Variants in DLGAP2 observed in about 807,000 individuals in gnomAD.
DLGAP2 encodes the protein disks large-associated protein 2.
Under a neutral mutation model 100.3 loss-of-function variants are expected in DLGAP2, and 26 were observed. That is an observed-to-expected ratio of 0.26 (90% CI 0.19 to 0.36). The LOEUF is 0.36. Ranked by LOEUF, DLGAP2 falls within the 10% of genes least tolerant of loss-of-function variation. DLGAP2 has a pLI of 1.00. For synonymous variants in DLGAP2, 886 were observed against 630.1 expected, an observed-to-expected ratio of 1.41 and a Z score of -6.08; for missense variants, 1,858 against 1,453.2, an observed-to-expected ratio of 1.28 and a Z score of -4.53.
chr8:1,584,690 C>G (rs896946501), intron 6 of DLGAP2, among the ~76,000 whole-genome samples: 8 of 152,182 alleles, frequency 5.3e-5, no homozygotes, highest in Middle Eastern at 3.4e-3. Context: ...CCTGGGGATT[C>G]GAATGGCACT....
chr8:926,347 C>T (rs1798815455), intron 2 of DLGAP2, among the ~76,000 whole-genome samples: 1 of 152,170 alleles, frequency 6.6e-6, no homozygotes, highest in Non-Finnish European at 1.5e-5. Context: ...CCGTGTTGGC[C>T]ACCCCCCTCA....
intron 3 of DLGAP2, among the ~76,000 whole-genome samples, chr8:1,383,204 T>G (rs767794776): frequency 6.6e-6 from 1 of 152,146 alleles, no homozygotes; most frequent in African/African-American, 2.4e-5. Context: ...ACGAGAAAAA[T>G]AAGGGATTTT....
chr8:1,558,067 T>C (rs942449845), intron 5 of DLGAP2, among the ~76,000 whole-genome samples: 2 of 152,156 alleles, frequency 1.3e-5, no homozygotes, highest in African/African-American at 4.8e-5. Flanking sequence ...TCCTGGCAGG[T>C]TGGAGCAGGC....
At chr8:853,646 T>A (rs752973823) in intron 1 of DLGAP2, among the ~76,000 whole-genome samples, 4 of 152,164 alleles carry the variant, frequency 2.6e-5, no homozygotes. Context: ...CAAGCAGCCG[T>A]TCTAGGGAGC....
chr8:1,385,036 A>G (rs368452261), intron 3 of DLGAP2, among the ~76,000 whole-genome samples: 11 of 64,766 alleles, frequency 1.7e-4, no homozygotes, highest in East Asian at 1.1e-3. Context: ...CTTGGTGCAC[A>G]GTTACCCCGG....
chr8:1,630,594 C>T (rs1000037002), intron 7 of DLGAP2, among the ~76,000 whole-genome samples: 3 of 151,486 alleles, frequency 2.0e-5, no homozygotes, highest in Non-Finnish European at 2.9e-5. Context: ...CCCAGCTACT[C>T]GGGAGGCCGA....
chr8:748,055 TGGGCGGGTCTGCGGTGG>T lies in DLGAP2; in HGVS notation c.18+10232_18+10248del. ...TGGGATGGGCGGGTCTGCGGTGGGA[TGGGCGGGTCTGCGGTGG>T]GATGGGGGGCTCTGCGGTGGGATGG... On this transcript the variant is annotated intron_variant, in intron 1 of 14. Coordinates refer to ENST00000637795, the MANE Select transcript of DLGAP2 (RefSeq NM_001346810.2). 1.2e-3 allele frequency among the ~76,000 whole-genome samples: 19 copies of T among 15,628 alleles called. 1 individual carries two copies. Among genetic ancestry groups the T allele is most frequent in the Non-Finnish European group, 2.0e-3 (17 of 8,618 alleles). 10.3% of individuals were successfully genotyped at this position (15,628 alleles called of 152,430 possible).
intron 3 of DLGAP2, among the ~76,000 whole-genome samples, chr8:1,339,842 A>G (rs1333753625): frequency 6.6e-6 from 1 of 152,240 alleles, no homozygotes. Context: ...AGAAGCTCTG[A>G]TAATAGATAA....
At chr8:757,313 C>A (rs1476170988) in intron 1 of DLGAP2, among the ~76,000 whole-genome samples, 1 of 152,202 alleles carries the variant, frequency 6.6e-6, no homozygotes, top group Non-Finnish European at 1.5e-5. Context: ...CCAACCTGCC[C>A]TCATCCAGTG....
intron 2 of DLGAP2, among the ~76,000 whole-genome samples, chr8:919,276 T>C (rs1798658617): frequency 6.6e-6 from 1 of 152,234 alleles, no homozygotes; most frequent in African/African-American, 2.4e-5. Context: ...ACAGCCGTCC[T>C]GTCCTAGGTG....
At chr8:1,283,344 G>T (rs1428839242) in intron 3 of DLGAP2, among the ~76,000 whole-genome samples, 1 of 151,798 alleles carries the variant, frequency 6.6e-6, no homozygotes, top group Non-Finnish European at 1.5e-5. Context: ...CAGCGCCCTG[G>T]ATCTGTCCCT....
intron 2 of DLGAP2, among the ~76,000 whole-genome samples, chr8:1,066,949 C>T (rs567524397): frequency 1.8e-4 from 28 of 152,344 alleles, no homozygotes; most frequent in African/African-American, 3.8e-4. Flanking sequence ...TCGCAGCAGG[C>T]GGCCCAGTGG....
chr8:1,653,793 G>A (rs1798221645), intron 8 of DLGAP2, among the ~76,000 whole-genome samples: 2 of 152,126 alleles, frequency 1.3e-5, no homozygotes, highest in African/African-American at 4.8e-5. Context: ...TCCATAGTGT[G>A]GGTTTGGGAC....
At chr8:1,277,682 T>C (rs181864723) in intron 3 of DLGAP2, among the ~76,000 whole-genome samples, 1 of 151,922 alleles carries the variant, frequency 6.6e-6, no homozygotes, top group African/African-American at 2.4e-5. Context: ...AGTGGTGGGG[T>C]GGGCTTCCAG....
At chr8:1,155,947 G>A (rs1348052723) in intron 2 of DLGAP2, among the ~76,000 whole-genome samples, 1 of 152,224 alleles carries the variant, frequency 6.6e-6, no homozygotes, top group Admixed American at 6.5e-5. Flanking sequence ...GGGAGGCTGG[G>A]TGGGCGTCCC....
chr8:1,454,285 G>C (rs1487927736), intron 3 of DLGAP2, among the ~76,000 whole-genome samples: 2 of 152,122 alleles, frequency 1.3e-5, no homozygotes, highest in Admixed American at 6.5e-5. Flanking sequence ...TCCACTGCCA[G>C]CTTTCCCAGC....
chr8:1,213,939 A>T (rs2116794147), intron 2 of DLGAP2, among the ~76,000 whole-genome samples: 1 of 152,236 alleles, frequency 6.6e-6, no homozygotes, highest in Non-Finnish European at 1.5e-5. Context: ...CAGTGAGCTG[A>T]GGTTGACGGT....
At chr8:1,457,686 C>T (rs571996802) in intron 3 of DLGAP2, among the ~76,000 whole-genome samples, 12 of 152,074 alleles carry the variant, frequency 7.9e-5, no homozygotes, top group African/African-American at 2.4e-4. Context: ...TTTCTCTTCC[C>T]TCTAATGCAA....
chr8:1,234,504 C>T (rs1212312682), intron 2 of DLGAP2, among the ~76,000 whole-genome samples: 1 of 152,114 alleles, frequency 6.6e-6, no homozygotes, highest in East Asian at 1.9e-4. Context: ...ATTAGGGTGA[C>T]CTCTCCTTAA....
Sources: gnomAD v4.1 joint callset for allele counts (sites outside exome capture counted in the v4.1 genomes callset) on GRCh38, gnomAD v4.1.1 for gene constraint, MANE v1.5 for transcripts, NCBI Gene and HGNC (gene_info 2026-07-23, HGNC 2026-07-21) for gene names.